Variants in LRRC4C observed in about 807,000 individuals in gnomAD.
The protein encoded by LRRC4C is leucine rich repeat containing 4C.
LRRC4C carries 5 observed loss-of-function variants against 33.6 expected under a neutral mutation model. The observed-to-expected ratio is 0.15, with a 90% CI of 0.08 to 0.31. The LOEUF (loss-of-function observed/expected upper bound fraction) is 0.31. LRRC4C is among the 10% of genes least tolerant of loss of function. The probability of loss-of-function intolerance (pLI) is 1.00; values close to 1 mark genes in which losing one functional copy is unlikely to be tolerated. For synonymous variants in LRRC4C, 329 were observed against 302.0 expected (o/e 1.09, Z -0.93); for missense variants, 560 against 796.7 (o/e 0.70, Z 3.58).
intron 1 of LRRC4C, among the ~76,000 whole-genome samples, chr11:41,187,491 G>T (rs933607669): frequency 2.6e-5 from 4 of 152,062 alleles, no homozygotes; most frequent in Admixed American, 6.6e-5. Flanking sequence ...AACTCCAGGG[G>T]AAAACCACCT....
At chr11:41,293,331 A>G (rs1950044243) in intron 1 of LRRC4C, among the ~76,000 whole-genome samples, 1 of 152,106 alleles carries the variant, frequency 6.6e-6, no homozygotes, top group South Asian at 2.1e-4. Context: ...TTACTGAATG[A>G]AAAAAGGATA....
intron 1 of LRRC4C, chr11:41,222,673 G>C (rs1947357716): frequency 6.6e-6 from 1 of 151,800 alleles, no homozygotes; most frequent in African/African-American, 2.4e-5. Context: ...CTATCCCAGG[G>C]GAAGGTCTCA....
rs555370999 is a variant in LRRC4C, at chr11:40,883,783, G to A, written c.-407+49852C>T. Among the ~76,000 whole-genome samples the A allele has an allele frequency of 8.6e-5, 13 of 151,864 alleles. No homozygotes were observed. In the South Asian group the frequency reaches 2.7e-3, roughly 32 times the overall value. ...TATAAACATGGAATTATTAACTGCT[G>A]AGGATCTCTATAGAAATGACTTTCT... On this transcript the variant is annotated intron_variant, in intron 2 of 6. Coordinates refer to ENST00000528697, the MANE Select transcript of LRRC4C (RefSeq NM_001258419.2).
chr11:40,770,781 G>T (rs1425089279), intron 2 of LRRC4C, among the ~76,000 whole-genome samples: 2 of 152,296 alleles, frequency 1.3e-5, no homozygotes, highest in East Asian at 3.9e-4. Context: ...TAGCGAGGTG[G>T]TCATTCAATC....
At chr11:40,942,464 T>C (rs1253721627) in intron 1 of LRRC4C, among the ~76,000 whole-genome samples, 2 of 152,106 alleles carry the variant, frequency 1.3e-5, no homozygotes, top group African/African-American at 4.8e-5. Flanking sequence ...AAGTCACACA[T>C]TGAACAAGGT....
chr11:40,979,714 CT>C (rs1852372137), intron 1 of LRRC4C, among the ~76,000 whole-genome samples: 1 of 152,188 alleles, frequency 6.6e-6, no homozygotes, highest in Non-Finnish European at 1.5e-5. Context: ...CGAAAATTTT[CT>C]ATCTTGGAAT....
chr11:40,398,086 T>C (rs925697328), intron 3 of LRRC4C, among the ~76,000 whole-genome samples: 19 of 152,004 alleles, frequency 1.2e-4, no homozygotes, highest in Admixed American at 5.3e-4. Flanking sequence ...TTTTGAGTAA[T>C]ATAGTTTTAT....
chr11:40,636,144 A>C (rs78618885), intron 3 of LRRC4C, among the ~76,000 whole-genome samples: 4,933 of 152,224 alleles, frequency 0.032, 113 homozygotes, highest in African/African-American at 0.056. Flanking sequence ...AAGTGCAAGG[A>C]GCCACCTTGG....
intron 3 of LRRC4C, among the ~76,000 whole-genome samples, chr11:40,368,165 A>G (rs1948296557): frequency 6.6e-6 from 1 of 152,194 alleles, no homozygotes; most frequent in Admixed American, 6.5e-5. Context: ...ATGTAAATAA[A>G]TAATTTTAAA....
chr11:40,861,289 C>T (rs1284738841), intron 2 of LRRC4C, among the ~76,000 whole-genome samples: 2 of 152,210 alleles, frequency 1.3e-5, no homozygotes, highest in African/African-American at 2.4e-5. Flanking sequence ...AAGTCTTGAA[C>T]AGAAAGGTGT....
intron 3 of LRRC4C, among the ~76,000 whole-genome samples, chr11:40,323,070 G>A (rs938843292): frequency 1.3e-5 from 2 of 152,126 alleles, no homozygotes; most frequent in Admixed American, 6.5e-5. Context: ...GAAATTAAAT[G>A]TTCAATACCC....
At chr11:40,463,900 C>A (rs528551981) in intron 3 of LRRC4C, among the ~76,000 whole-genome samples, 3 of 151,970 alleles carry the variant, frequency 2.0e-5, no homozygotes, top group Admixed American at 1.3e-4. Context: ...GGCACTCCAC[C>A]GAATTCTATT....
intron 3 of LRRC4C, among the ~76,000 whole-genome samples, chr11:40,527,299 T>C (rs1419518649): frequency 6.6e-6 from 1 of 152,092 alleles, no homozygotes; most frequent in Non-Finnish European, 1.5e-5. Flanking sequence ...AAATTAAAGA[T>C]ATAGATTGAA....
chr11:40,556,901 G>T (rs915951204), intron 3 of LRRC4C, among the ~76,000 whole-genome samples: 1 of 152,068 alleles, frequency 6.6e-6, no homozygotes, highest in Non-Finnish European at 1.5e-5. Flanking sequence ...GAGTCAAATA[G>T]ATCAGAGTTT....
At chr11:40,119,966 T>C (rs1219868143) in intron 6 of LRRC4C, among the ~76,000 whole-genome samples, 1 of 152,028 alleles carries the variant, frequency 6.6e-6, no homozygotes, top group African/African-American at 2.4e-5. Flanking sequence ...GCCAAAATTG[T>C]TCAAATTACC....
rs1032978977 is a variant in LRRC4C at position 41,153,987 on chromosome 11, G to A, written c.-495-220264C>T. Among the ~76,000 whole-genome samples, 9 of 152,186 alleles carry A rather than the reference G, an allele frequency of 5.9e-5. No individual in the cohort carries two copies. The South Asian group carries it at 1.2e-3, about 21-fold the overall frequency. On this transcript the variant is annotated intron_variant, in intron 1 of 6. Transcript: ENST00000528697. ...GGGATGTGGCCACAAGTCAAGCAAC[G>A]TAGACAGTTACCAGAAGATGCACGC...
At chr11:40,659,070 G>T (rs1268991025) in intron 2 of LRRC4C, among the ~76,000 whole-genome samples, 1 of 152,138 alleles carries the variant, frequency 6.6e-6, no homozygotes, top group African/African-American at 2.4e-5. Context: ...CTGCACTCTT[G>T]GGGGCCCAGG....
chr11:40,423,383 C>T (rs1368425440), intron 3 of LRRC4C, among the ~76,000 whole-genome samples: 8 of 120,740 alleles, frequency 6.6e-5, no homozygotes, highest in Non-Finnish European at 1.3e-4. Context: ...CTCGCTCTGT[C>T]GCCCAGGCTG....
intron 5 of LRRC4C, among the ~76,000 whole-genome samples, chr11:40,154,350 G>C (rs1030031008): frequency 1.4e-5 from 2 of 147,078 alleles, no homozygotes; most frequent in Non-Finnish European, 3.0e-5. Flanking sequence ...TAATGCAACA[G>C]TACCTCACAT....
Sources: gnomAD v4.1 joint callset for allele counts (sites outside exome capture counted in the v4.1 genomes callset) on GRCh38, gnomAD v4.1.1 for gene constraint, MANE v1.5 for transcripts, NCBI Gene and HGNC (gene_info 2026-07-23, HGNC 2026-07-21) for gene names.